The following CPLX1 variants were observed in gnomAD, a reference collection of about 807,000 sequenced individuals.
CPLX1 encodes the protein complexin 1.
A neutral mutation model predicts 15.6 loss-of-function variants in CPLX1; 6 were observed. That is an observed-to-expected ratio of 0.39 (90% CI 0.21 to 0.76). The LOEUF is 0.76. Among genes scored for constraint, CPLX1 ranks in the 30% least tolerant of loss-of-function variants. CPLX1 has a pLI of 0.43. For synonymous variants in CPLX1, 91 were observed against 75.2 expected (o/e 1.21, Z -1.08); for missense variants, 242 against 188.6 (o/e 1.28, Z -1.66).
At chr4:794,027 G>A (rs1308307494) in intron 2 of CPLX1, among the ~76,000 whole-genome samples, 6 of 152,208 alleles carry the variant, frequency 3.9e-5, no homozygotes, top group Non-Finnish European at 7.3e-5. Context: ...TGCTGATACC[G>A]GGAAGCTCCG....
At chr4:792,787 T>C in intron 2 of CPLX1, 179 bp from the exon 3 acceptor site, 2 of 632,802 alleles carry the variant, frequency 3.2e-6, no homozygotes, top group Non-Finnish European at 5.3e-6. Flanking sequence ...CTGACCCTCC[T>C]GCCCGGGACC....
rs1746294533 is a variant in CPLX1, at chr4:795,134, G to A, written c.32-2526C>T. Among the ~76,000 whole-genome samples the A allele has an allele frequency of 3.3e-5, 5 of 152,140 alleles. No individual in the cohort carries two copies. The South Asian group carries it at 1.0e-3, about 31-fold the overall frequency. ...TCACAGATGCCGCCCACGCCCCCCC[G>A]CTTTTCGGCCCGGGTACTGCAGGGA... On this transcript the variant is annotated intron_variant, in intron 2 of 3. Transcript: ENST00000304062.
At chr4:790,323 G>C (rs1746132333) in intron 3 of CPLX1, among the ~76,000 whole-genome samples, 1 of 152,200 alleles carries the variant, frequency 6.6e-6, no homozygotes, top group Non-Finnish European at 1.5e-5. Context: ...GACCAAGGCA[G>C]GATCGCAGGT....
At position 824,483 on chromosome 4, in the gene CPLX1, G is replaced by A. The variant is rs201011878; in HGVS notation, c.31+9C>T. 1.6e-3 allele frequency: 2,589 copies of A among 1,606,544 alleles called. 2 individuals are homozygous for A. The highest frequency in any genetic ancestry group is 3.1e-3 in the Middle Eastern group (19 of 6,042). On this transcript the variant is annotated intron_variant, in intron 2 of 3. Transcript: ENST00000304062. ...TCAGCCCCTCCCCACCCCACCTCCC[G>A]CTTCCTACCTCCTAGAGCCTGCTTC...
chr4:809,003 C>T (rs182836157), intron 2 of CPLX1, among the ~76,000 whole-genome samples: 4 of 152,350 alleles, frequency 2.6e-5, no homozygotes, highest in Admixed American at 6.5e-5. Context: ...AGATAGAGAG[C>T]GCGCGAGTGC....
Position 786,790 on chromosome 4 carries a change from G to A in CPLX1, c.208-92C>T, listed in dbSNP as rs1370954524. The A allele has an allele frequency of 2.7e-6, 4 of 1,474,572 alleles. No individual in the cohort carries two copies. The African/African-American group carries it at 4.3e-5, about 16-fold the overall frequency. 91.3% of individuals were successfully genotyped at this position (1,474,572 alleles called of 1,614,324 possible). On this transcript the variant is annotated intron_variant, in intron 3 of 3. Transcript: ENST00000304062. ...GCCAGGGACTGGCCCAGGAACCCCC[G>A]AAGGCGTGGGTGCGGCCCCCTACCC...
At chr4:795,782 C>A (rs1159397849) in intron 2 of CPLX1, among the ~76,000 whole-genome samples, 1 of 150,932 alleles carries the variant, frequency 6.6e-6, no homozygotes, top group Non-Finnish European at 1.5e-5. Context: ...CGGGAGCTCG[C>A]CCCAAACCGG....
chr4:790,944 C>A (rs74482157), intron 3 of CPLX1, among the ~76,000 whole-genome samples: 1 of 22,506 alleles, frequency 4.4e-5, no homozygotes, highest in Non-Finnish European at 1.0e-4. Flanking sequence ...TTGTCTTTTT[C>A]TCTGTCTCTC....
intron 2 of CPLX1, among the ~76,000 whole-genome samples, chr4:822,562 C>T (rs1187676063): frequency 6.6e-6 from 1 of 152,146 alleles, no homozygotes; most frequent in Non-Finnish European, 1.5e-5. Context: ...CCTCCCCGAC[C>T]CTGTTTCTGG....
At chr4:795,578 G>A (rs1367054405) in intron 2 of CPLX1, among the ~76,000 whole-genome samples, 1 of 152,214 alleles carries the variant, frequency 6.6e-6, no homozygotes, top group Non-Finnish European at 1.5e-5. Context: ...TGGCCTCGAC[G>A]TACAGGGGCC....
At chr4:825,842 CG>C (rs1391817616) in intron 1 of CPLX1, among the ~76,000 whole-genome samples, 1 of 53,882 alleles carries the variant, frequency 1.9e-5, no homozygotes. Context: ...AAGCCGGAGC[CG>C]GGGAGGAGAG....
Position 786,383 on chromosome 4 carries a change from CTGGGGCTATGGCTTATATCGGCG to C in CPLX1, c.*95_*117del. 2.5e-6 allele frequency: 3 copies of C among 1,188,504 alleles called. No homozygotes were observed. The highest frequency in any genetic ancestry group is 3.4e-6 in the Non-Finnish European group (3 of 891,198). The allele number at this position is 1,188,504 out of a possible 1,614,324, so 73.6% of individuals were successfully genotyped here. ...GGCGGCGGGCGCGGGCAGGGCGGGCCTGGGGCTATGGCTTATATCGGCGTGGGGGCTGCGCTCTGCTCGTCCCT... is the reference window on the plus strand; with the variant it reads ...GGCGGCGGGCGCGGGCAGGGCGGGCCTGGGGGCTGCGCTCTGCTCGTCCCT... On this transcript the variant is annotated 3_prime_UTR_variant, in exon 4 of 4. Transcript: ENST00000304062.
intron 3 of CPLX1, chr4:787,845 C>T (rs1055259213): frequency 1.0e-6 from 1 of 985,328 alleles, no homozygotes; most frequent in African/African-American, 1.7e-5. Flanking sequence ...AACTACGGAA[C>T]AGCCTCCTGC....
rs1052595 is a variant in CPLX1, at chr4:785,425, A to C, written c.*1076T>G. 45,665 of 152,614 alleles carry C rather than the reference A, an allele frequency of 0.3. 7,741 individuals carry two copies. Among genetic ancestry groups the C allele is most frequent in the Middle Eastern group, 0.46 (135 of 294 alleles). The allele number at this position is 152,614 out of a possible 1,614,324, so 9.5% of individuals were successfully genotyped here. A position where few individuals can be genotyped will look rare whatever the true frequency, so the allele number is the denominator to read the frequency against. On this transcript the variant is annotated 3_prime_UTR_variant, in exon 4 of 4. Coordinates refer to ENST00000304062, the MANE Select transcript of CPLX1 (RefSeq NM_006651.4). ...CACGTGGAGACTTGATGCATTTTTG[A>C]TGTGGACGAAAGGGCCCGGGGGCGA...
intron 2 of CPLX1, among the ~76,000 whole-genome samples, chr4:819,456 G>A (rs544198801): frequency 6.6e-6 from 1 of 152,340 alleles, no homozygotes; most frequent in African/African-American, 2.4e-5. Flanking sequence ...GTGCTTTCTC[G>A]ACCACACGGC....
At chr4:809,536 G>A (rs1438313685) in intron 2 of CPLX1, among the ~76,000 whole-genome samples, 1 of 152,228 alleles carries the variant, frequency 6.6e-6, no homozygotes, top group African/African-American at 2.4e-5. Context: ...GGGGGTGGGG[G>A]GGACCTCAGG....
intron 2 of CPLX1, among the ~76,000 whole-genome samples, chr4:795,292 C>T (rs1360945039): frequency 6.6e-6 from 1 of 152,274 alleles, no homozygotes; most frequent in East Asian, 1.9e-4. Flanking sequence ...GCCGGAGCGG[C>T]GAGACCGGCG....
chr4:825,579 T>A (rs1746964108), intron 1 of CPLX1, among the ~76,000 whole-genome samples: 1 of 151,632 alleles, frequency 6.6e-6, no homozygotes, highest in Non-Finnish European at 1.5e-5. Flanking sequence ...CGAGCGGCCC[T>A]CAGGCGGGAG....
At chr4:801,619 G>A (rs886201675) in intron 2 of CPLX1, among the ~76,000 whole-genome samples, 2 of 152,274 alleles carry the variant, frequency 1.3e-5, no homozygotes, top group Non-Finnish European at 2.9e-5. Context: ...GGTTGTGCCC[G>A]GGAGCACCAG....
Sources: allele counts gnomAD v4.1 joint callset (sites outside exome capture counted in the v4.1 genomes callset), GRCh38; gene constraint gnomAD v4.1.1; transcripts MANE v1.5; gene names NCBI Gene and HGNC (gene_info 2026-07-23, HGNC 2026-07-21).